Variants in U2SURP observed in about 807,000 individuals in gnomAD.
The protein encoded by U2SURP is U2 snRNP associated SURP domain containing, also known as U2 snRNP-associated SURP motif-containing protein.
U2SURP carries 9 observed loss-of-function variants against 144.9 expected under a neutral mutation model. The observed-to-expected ratio is 0.06, with a 90% CI of 0.04 to 0.11. The LOEUF is 0.11. Among genes scored for constraint, U2SURP ranks in the 10% least tolerant of loss-of-function variants. The probability of loss-of-function intolerance (pLI) is 1.00; values close to 1 mark genes in which losing one functional copy is unlikely to be tolerated. For missense variants in U2SURP, 724 were observed against 1,226.7 expected (o/e 0.59, Z 6.12); for synonymous variants, 408 against 396.8 (o/e 1.03, Z -0.33).
At chr3:143,034,373 T>C (rs1342945596) in intron 18 of U2SURP, among the ~76,000 whole-genome samples, 1 of 151,722 alleles carries the variant, frequency 6.6e-6, no homozygotes, top group Non-Finnish European at 1.5e-5. Context: ...CATTGTCCTC[T>C]AGCTTGGGTG....
intron 24 of U2SURP, 95 bp downstream of exon 24, chr3:143,043,371 C>G (rs1173073814): frequency 1.2e-5 from 15 of 1,275,288 alleles, no homozygotes; most frequent in Non-Finnish European, 1.5e-5. Context: ...GTAGTACATA[C>G]TGTTCCTTCT....
chr3:143,049,481 G>A (rs977537073), intron 24 of U2SURP, among the ~76,000 whole-genome samples: 4 of 152,094 alleles, frequency 2.6e-5, no homozygotes, highest in Admixed American at 6.6e-5. Context: ...GTAATTTCAT[G>A]GGACAAGAAT....
chr3:143,055,379 G>A (rs1348494577), intron 27 of U2SURP, among the ~76,000 whole-genome samples: 3 of 152,008 alleles, frequency 2.0e-5, no homozygotes, highest in Non-Finnish European at 4.4e-5. Context: ...GTGGAATAGG[G>A]TTAGCTGCTT....
At chr3:143,020,565 G>C in intron 7 of U2SURP, 34 bp from the exon 8 acceptor site, 1 of 1,508,666 alleles carries the variant, frequency 6.6e-7, no homozygotes, top group South Asian at 1.2e-5. Flanking sequence ...ACAAATTTTG[G>C]CTCATTATAA....
At chr3:143,011,205 TAA>T (rs1936108428) in intron 2 of U2SURP, among the ~76,000 whole-genome samples, 1 of 152,298 alleles carries the variant, frequency 6.6e-6, no homozygotes, top group South Asian at 2.1e-4. Flanking sequence ...TCCCTGCAGG[TAA>T]ACTGTTAACA....
At chr3:143,049,401 AG>A (rs1934729609) in intron 24 of U2SURP, among the ~76,000 whole-genome samples, 1 of 152,188 alleles carries the variant, frequency 6.6e-6, no homozygotes, top group Non-Finnish European at 1.5e-5. Flanking sequence ...AAAATGCTGT[AG>A]TAGCATTTAG....
At chr3:143,036,304 A>G (rs1184068554) in intron 20 of U2SURP, among the ~76,000 whole-genome samples, 200 bp downstream of exon 20, 1 of 152,172 alleles carries the variant, frequency 6.6e-6, no homozygotes, top group Non-Finnish European at 1.5e-5. Flanking sequence ...TTGTGTCCTT[A>G]TGTGAAAATT....
Position 143,014,449 on chromosome 3 carries a change from A to C in U2SURP, c.321+40A>C, listed in dbSNP as rs371224527. 8.6e-6 allele frequency: 12 copies of C among 1,396,870 alleles called. No homozygotes were observed. In the African/African-American group the frequency reaches 1.7e-4, roughly 20 times the overall value. 86.5% of individuals were successfully genotyped at this position (1,396,870 alleles called of 1,614,324 possible). A position where few individuals can be genotyped will look rare whatever the true frequency, so the allele number is the denominator to read the frequency against. On this transcript the variant is annotated intron_variant, in intron 4 of 27. Transcript: ENST00000473835. ...GTATTTTGAATTATCCTTGGAAATG[A>C]ATGTGTCTAAGGGGTTAGTAAGTGT...
intron 13 of U2SURP, chr3:143,026,132 A>G (rs918287271): frequency 2.0e-5 from 3 of 152,136 alleles, no homozygotes; most frequent in Admixed American, 6.6e-5. Context: ...GCAGCTTATA[A>G]ATAACCTGAG....
At chr3:143,007,082 TA>T (rs1305974569) in intron 1 of U2SURP, among the ~76,000 whole-genome samples, 1 of 152,218 alleles carries the variant, frequency 6.6e-6, no homozygotes, top group Non-Finnish European at 1.5e-5. Flanking sequence ...GGGCAACAGG[TA>T]GTGTAGTTGG....
rs1285455490 is a variant in U2SURP, at chr3:143,053,824, T to C, written c.2774+30T>C. Reference sequence around the variant, plus strand: ...AACATTTCTCATATTTAATTGCATATACTGGTTTCAAGATTTGCAGTGGTG... The same window carrying C: ...AACATTTCTCATATTTAATTGCATACACTGGTTTCAAGATTTGCAGTGGTG... On this transcript the variant is annotated intron_variant, in intron 26 of 27. Transcript: ENST00000473835. 3 of 1,524,526 alleles carry C rather than the reference T, an allele frequency of 2.0e-6. No homozygotes were observed. In the Admixed American group the frequency reaches 6.4e-5, roughly 33 times the overall value. The allele number at this position is 1,524,526 out of a possible 1,614,324, so 94.4% of individuals were successfully genotyped here.
Position 143,027,257 on chromosome 3 carries a change from T to A in U2SURP, c.1379+4T>A. ...AAATCAACAATCCTATGTTCAGGTG[T>A]GCATTTTTTAAAAATTGTGAAATAT... is the stretch of plus-strand genomic sequence containing the variant. On this transcript the variant is annotated splice_donor_region_variant and intron_variant, in intron 14 of 27. Coordinates refer to ENST00000473835, the MANE Select transcript of U2SURP (RefSeq NM_001080415.2). The A allele has an allele frequency of 6.2e-7, 1 of 1,608,404 alleles. No individual in the cohort carries two copies. Among genetic ancestry groups the A allele is most frequent in the East Asian group, 2.2e-5 (1 of 44,812 alleles).
intron 14 of U2SURP, 58 bp downstream of exon 14, chr3:143,027,311 ATTTTT>A: frequency 7.6e-7 from 1 of 1,319,198 alleles, no homozygotes; most frequent in Non-Finnish European, 1.1e-6. Flanking sequence ...CATTTTAACT[ATTTTT>A]AAGTATACAG....
At position 143,059,673 on chromosome 3, in the gene U2SURP, A is replaced by G. The variant is rs1367666805; in HGVS notation, c.*3223A>G. ...TTAGCAGAGAAAGTTGGTTTTAAAA[A>G]TAAATAGTACCACTTTTCTAAGACT... On this transcript the variant is annotated 3_prime_UTR_variant, in exon 28 of 28. Coordinates refer to ENST00000473835, the MANE Select transcript of U2SURP (RefSeq NM_001080415.2). 6 of 151,958 alleles carry G rather than the reference A, an allele frequency of 3.9e-5. No homozygotes were observed. The highest frequency in any genetic ancestry group is 8.8e-5 in the Non-Finnish European group (6 of 67,872). 9.4% of individuals were successfully genotyped at this position (151,958 alleles called of 1,614,324 possible).
At chr3:143,038,032 T>G in intron 21 of U2SURP, 76 bp from the exon 22 acceptor site, 1 of 997,366 alleles carries the variant, frequency 1.0e-6, no homozygotes, top group Non-Finnish European at 1.4e-6. Flanking sequence ...TTTAATAATA[T>G]GGTGAATACC....
At chr3:143,001,824 G>C (rs1330633863) in intron 1 of U2SURP, among the ~76,000 whole-genome samples, 151 bp downstream of exon 1, 1 of 152,248 alleles carries the variant, frequency 6.6e-6, no homozygotes, top group Non-Finnish European at 1.5e-5. Flanking sequence ...TTGTGCGCAG[G>C]TTGAGAGGCC....
chr3:143,017,138 G>T (rs1936411708), intron 6 of U2SURP, 163 bp downstream of exon 6: 1 of 524,768 alleles, frequency 1.9e-6, no homozygotes, highest in East Asian at 3.5e-5. Flanking sequence ...TTAGATGAGA[G>T]TTAATGAATT....
intron 25 of U2SURP, among the ~76,000 whole-genome samples, chr3:143,051,645 A>G (rs1373092253): frequency 1.3e-5 from 2 of 150,350 alleles, no homozygotes; most frequent in Non-Finnish European, 3.0e-5. Context: ...TAATGAGATT[A>G]TATAGAAAGT....
Position 143,027,145 on chromosome 3 carries a change from G to T in U2SURP, c.1275-4G>T. The T allele has an allele frequency of 1.2e-6, 2 of 1,610,006 alleles. No individual in the cohort carries two copies. Among genetic ancestry groups the T allele is most frequent in the South Asian group, 1.1e-5 (1 of 90,938 alleles). Reference sequence around the variant, plus strand: ...CATTTTCTTTAACTGTGTTGTTGTTGTAGGAATTTGCTCGCCCTGATACAT... The same window carrying T: ...CATTTTCTTTAACTGTGTTGTTGTTTTAGGAATTTGCTCGCCCTGATACAT... On this transcript the variant is annotated splice_region_variant and splice_polypyrimidine_tract_variant and intron_variant, in intron 13 of 27. Transcript: ENST00000473835.
Sources: gnomAD v4.1 joint callset for allele counts (sites outside exome capture counted in the v4.1 genomes callset) on GRCh38, gnomAD v4.1.1 for gene constraint, MANE v1.5 for transcripts, NCBI Gene and HGNC (gene_info 2026-07-23, HGNC 2026-07-21) for gene names.